Variants in RTCA observed in about 807,000 individuals in gnomAD.
The protein encoded by RTCA is RNA terminal phosphate cyclase domain 1.
Under a neutral mutation model 46.1 loss-of-function variants are expected in RTCA, and 37 were observed. The ratio of observed to expected loss-of-function variants is 0.80; its 90% CI spans 0.62 to 1.06. RTCA has a LOEUF of 1.06. Ranked by LOEUF, RTCA falls within the 50% of genes least tolerant of loss-of-function variation. RTCA has a pLI of 0.00. For missense variants in RTCA, 435 were observed against 455.5 expected, an observed-to-expected ratio of 0.95 and a Z score of 0.41; for synonymous variants, 164 against 158.3, an observed-to-expected ratio of 1.04 and a Z score of -0.27.
chr1:100,275,687 C>T lies in RTCA; in HGVS notation c.704C>T (p.Pro235Leu), dbSNP rs1666331845. 1 of 1,611,460 alleles carries T rather than the reference C, an allele frequency of 6.2e-7. No individual in the cohort carries two copies. The highest frequency in any genetic ancestry group is 1.7e-5 in the Admixed American group (1 of 59,816). Residue 235 changes from proline (P) to leucine (L), a missense_variant, in exon 7 of 11, where the codon CCT becomes CTT. By Grantham distance (98) the Pro-to-Leu change is moderately conservative. Transcript: ENST00000370128. ...GTTAACATCCAGCCTGTTCAAGAAC[C>T]TAAAGACCAAGCATTTGGCAATGGA... ...LYVNIQPVQEPKDQAFGNGNG... is the reference protein window; with the variant it reads ...LYVNIQPVQELKDQAFGNGNG...
chr1:100,267,245 T>C (rs535029036), intron 2 of RTCA: 1 of 389,670 alleles, frequency 2.6e-6, no homozygotes, highest in South Asian at 9.7e-5. Context: ...CTGATTGCTT[T>C]GTATGTATTC....
chr1:100,266,331 TG>T lies in RTCA; in HGVS notation c.-43del. ...CCAACGTCTCTTCTTTCTCCCGCTC[TG>T]GCGGAGGCTTTGTCGCTGCGGGCTG... is the stretch of plus-strand genomic sequence containing the variant. On this transcript the variant is annotated 5_prime_UTR_variant, in exon 1 of 11. Coordinates refer to ENST00000370128, the MANE Select transcript of RTCA (RefSeq NM_003729.4). 6.3e-7 allele frequency: 1 copy of T among 1,597,870 alleles called. No individual in the cohort carries two copies. The highest frequency in any genetic ancestry group is 1.1e-5 in the South Asian group (1 of 88,970).
chr1:100,278,730 G>A (rs1482052297), intron 8 of RTCA, among the ~76,000 whole-genome samples: 1 of 152,142 alleles, frequency 6.6e-6, no homozygotes, highest in Non-Finnish European at 1.5e-5. Context: ...AACTAGTTGG[G>A]CATCAAATCT....
chr1:100,270,250 TAAAGA>T (rs374708055), intron 3 of RTCA, among the ~76,000 whole-genome samples: 157 of 152,314 alleles, frequency 1.0e-3, no homozygotes, highest in African/African-American at 3.1e-3. Context: ...TTTTGTAATA[TAAAGA>T]AAAGTATCAG....
intron 5 of RTCA, 96 bp from the exon 6 acceptor site, chr1:100,274,728 T>G: frequency 7.2e-6 from 9 of 1,256,118 alleles, no homozygotes; most frequent in Non-Finnish European, 9.8e-6. Context: ...ATGGATTACA[T>G]GTTTGGATAT....
At chr1:100,273,036 G>T (rs959673958) in intron 4 of RTCA, among the ~76,000 whole-genome samples, 1 of 152,126 alleles carries the variant, frequency 6.6e-6, no homozygotes. Context: ...AAATTGAGAT[G>T]ACAGAATGGA....
chr1:100,266,396 G>A lies in RTCA; in HGVS notation c.21G>A (p.Glu7=), dbSNP rs1041622569. Residue 7 remains glutamate, a synonymous_variant, in exon 1 of 11, where the codon GAG becomes GAA. Transcript: ENST00000370128. MAGPRV[E]VDGSIMEGGG... ...CCCCCATGGCGGGGCCGCGGGTGGA[G>A]GTCGATGGCAGCATCATGGAAGGGG... The A allele has an allele frequency of 1.9e-6, 3 of 1,612,452 alleles. No individual in the cohort carries two copies.
At chr1:100,279,666 C>A (rs1666582181) in intron 8 of RTCA, among the ~76,000 whole-genome samples, 1 of 152,034 alleles carries the variant, frequency 6.6e-6, no homozygotes, top group Non-Finnish European at 1.5e-5. Flanking sequence ...ATAGTCCCAG[C>A]TGCTCAGGAG....
At chr1:100,284,898 G>A (rs1666935418) in intron 8 of RTCA, among the ~76,000 whole-genome samples, 1 of 152,138 alleles carries the variant, frequency 6.6e-6, no homozygotes, top group Non-Finnish European at 1.5e-5. Flanking sequence ...ATGCCTGGCT[G>A]CAAGTTTTAA....
At chr1:100,278,083 G>A (rs1012964506) in intron 8 of RTCA, among the ~76,000 whole-genome samples, 14 of 152,202 alleles carry the variant, frequency 9.2e-5, no homozygotes, top group African/African-American at 3.1e-4. Context: ...CTTTATTGGT[G>A]AGGTTGAGTG....
At chr1:100,286,710 T>C (rs1044927377) in intron 9 of RTCA, among the ~76,000 whole-genome samples, 2 of 152,198 alleles carry the variant, frequency 1.3e-5, no homozygotes, top group Admixed American at 6.5e-5. Flanking sequence ...TGCCCAGGTC[T>C]ACTTTAAACT....
In RTCA at chr1:100,291,554, A is replaced by T. The variant is rs1667356301; in HGVS notation, c.*50A>T. The T allele has an allele frequency of 9.5e-7, 1 of 1,051,986 alleles. No individual in the cohort carries two copies. The highest frequency in any genetic ancestry group is 2.7e-4 in the Middle Eastern group (1 of 3,704). The allele number at this position is 1,051,986 out of a possible 1,614,324, so 65.2% of individuals were successfully genotyped here. On this transcript the variant is annotated 3_prime_UTR_variant, in exon 11 of 11. Coordinates refer to ENST00000370128, the MANE Select transcript of RTCA (RefSeq NM_003729.4). ...TCATTGATATATTGCACTATTTCAT[A>T]AATACTATAAAATAATGACTAGGAA... is the stretch of plus-strand genomic sequence containing the variant.
rs1315563276 is a variant in RTCA at position 100,291,185 on chromosome 1, G to GGTAT, written c.1000-213_1000-210dup. Among the ~76,000 whole-genome samples the GGTAT allele has an allele frequency of 3.3e-5, 5 of 152,144 alleles. No individual in the cohort carries two copies. The South Asian group carries it at 6.2e-4, about 19-fold the overall frequency. ...CATATATATTTGGACAAAACTCACA[G>GGTAT]GTATGTATACCTCTGAAGAAGAACC... On this transcript the variant is annotated intron_variant, in intron 10 of 10. Coordinates refer to ENST00000370128, the MANE Select transcript of RTCA (RefSeq NM_003729.4).
At chr1:100,278,972 T>C (rs1666544985) in intron 8 of RTCA, among the ~76,000 whole-genome samples, 1 of 152,218 alleles carries the variant, frequency 6.6e-6, no homozygotes. Flanking sequence ...TTTTAATGTA[T>C]ACTGAAGTTT....
At position 100,273,316 on chromosome 1, in the gene RTCA, C is replaced by T. The variant is rs968916114; in HGVS notation, c.415-78C>T. 14 of 897,032 alleles carry T rather than the reference C, an allele frequency of 1.6e-5. No homozygotes were observed. In the Admixed American group the frequency reaches 2.0e-4, roughly 13 times the overall value. The allele number at this position is 897,032 out of a possible 1,614,324, so 55.6% of individuals were successfully genotyped here. A position where few individuals can be genotyped will look rare whatever the true frequency, so the allele number is the denominator to read the frequency against. On this transcript the variant is annotated intron_variant, in intron 4 of 10. Coordinates refer to ENST00000370128, the MANE Select transcript of RTCA (RefSeq NM_003729.4). ...AGCACCCAGTTACTAGCCAGCAAAG[C>T]GCTTTTGTTTAATAAATACACTTGT...
At chr1:100,291,189 T>C (rs1557983329) in intron 10 of RTCA, among the ~76,000 whole-genome samples, 1 of 152,210 alleles carries the variant, frequency 6.6e-6, no homozygotes, top group Non-Finnish European at 1.5e-5. Flanking sequence ...CTCACAGGTA[T>C]GTATACCTCT....
chr1:100,279,321 T>C, intron 8 of RTCA, among the ~76,000 whole-genome samples: 1 of 152,142 alleles, frequency 6.6e-6, no homozygotes, highest in East Asian at 1.9e-4. Flanking sequence ...ATCCCCAGGG[T>C]ACCATAGGAA....
chr1:100,290,314 G>A (rs1409716873), intron 10 of RTCA, among the ~76,000 whole-genome samples: 1 of 151,764 alleles, frequency 6.6e-6, no homozygotes, highest in Admixed American at 6.6e-5. Context: ...GTCTTCCTGT[G>A]TTGCCCAGGC....
chr1:100,273,443 T>G lies in RTCA; in HGVS notation c.464T>G (p.Ile155Ser), dbSNP rs1557974518. ...TTTGGTTTCATATTTAATTGTGACA[T>G]TAAAACAAGGTAAGTTGCTTGTTTC... ...EKFGFIFNCDIKTRGYYPKGG... is the reference protein window; with the variant it reads ...EKFGFIFNCDSKTRGYYPKGG... Residue 155 changes from isoleucine to serine, a missense_variant, in exon 5 of 11, where the codon ATT (isoleucine) becomes AGT (serine). Coordinates refer to ENST00000370128, the MANE Select transcript of RTCA (RefSeq NM_003729.4). The G allele has an allele frequency of 3.8e-6, 6 of 1,577,672 alleles. No homozygotes were observed. Among genetic ancestry groups the G allele is most frequent in the Non-Finnish European group, 5.2e-6 (6 of 1,159,008 alleles).
Sources: allele counts gnomAD v4.1 joint callset (sites outside exome capture counted in the v4.1 genomes callset), GRCh38; gene constraint gnomAD v4.1.1; transcripts MANE v1.5; gene names NCBI Gene and HGNC (gene_info 2026-07-23, HGNC 2026-07-21).